The following MAF variants were observed in gnomAD, a reference collection of about 807,000 sequenced individuals.
MAF encodes the protein transcription factor Maf.
In MAF, 10 loss-of-function variants were observed where a neutral mutation model predicts 22.0. The observed-to-expected ratio is 0.45, with a 90% CI of 0.28 to 0.77. The LOEUF (loss-of-function observed/expected upper bound fraction) is 0.77. Ranked by LOEUF, MAF falls within the 30% of genes least tolerant of loss-of-function variation. MAF has a pLI of 0.12. For missense variants in MAF, 544 were observed against 548.4 expected (o/e 0.99, Z 0.08); for synonymous variants, 337 against 255.8 (o/e 1.32, Z -3.03).
the MAF span, among the ~76,000 whole-genome samples, chr16:79,434,752 T>A: frequency 6.6e-6 from 1 of 152,086 alleles, no homozygotes; most frequent in Non-Finnish European, 1.5e-5. Flanking sequence ...TATGATAGAA[T>A]AGGAAATGAT....
At chr16:79,309,988 TTAA>T in the MAF span, among the ~76,000 whole-genome samples, 1 of 152,192 alleles carries the variant, frequency 6.6e-6, no homozygotes, top group South Asian at 2.1e-4. Flanking sequence ...ACACCGTGGC[TTAA>T]AGGGCATTAT....
At chr16:79,235,194 G>T in the MAF span, among the ~76,000 whole-genome samples, 1 of 152,052 alleles carries the variant, frequency 6.6e-6, no homozygotes, top group Admixed American at 6.6e-5. Context: ...ATGCTCTGGG[G>T]ACATCCTCAA....
chr16:79,593,651 A>G (rs1375783210), downstream of MAF, among the ~76,000 whole-genome samples: 3 of 152,258 alleles, frequency 2.0e-5, no homozygotes, highest in Non-Finnish European at 4.4e-5. Flanking sequence ...TTTATTTGCC[A>G]GGCAAAAGTA....
chr16:79,547,776 T>C, the MAF span, among the ~76,000 whole-genome samples: 3 of 152,134 alleles, frequency 2.0e-5, no homozygotes, highest in African/African-American at 7.2e-5. Flanking sequence ...TGAAAATAAG[T>C]CCAATACTGG....
At chr16:79,484,806 T>A in the MAF span, among the ~76,000 whole-genome samples, 1 of 152,210 alleles carries the variant, frequency 6.6e-6, no homozygotes, top group East Asian at 1.9e-4. Flanking sequence ...TGCACGTGTG[T>A]GTGTGTGCAT....
chr16:79,420,351 G>A, the MAF span, among the ~76,000 whole-genome samples: 1 of 152,184 alleles, frequency 6.6e-6, no homozygotes, highest in Non-Finnish European at 1.5e-5. Flanking sequence ...AAAACAACGC[G>A]TGAACACAGT....
At chr16:79,369,939 C>T in the MAF span, among the ~76,000 whole-genome samples, 2 of 152,234 alleles carry the variant, frequency 1.3e-5, no homozygotes, top group African/African-American at 4.8e-5. Context: ...GCTTCCCCCA[C>T]AGAGGGCCTC....
chr16:79,589,701 C>T (rs1447037737), downstream of MAF, among the ~76,000 whole-genome samples: 1 of 152,156 alleles, frequency 6.6e-6, no homozygotes, highest in Non-Finnish European at 1.5e-5. Context: ...AGCGGCGCAC[C>T]GGGGAGTTTT....
chr16:79,529,539 T>A, the MAF span, among the ~76,000 whole-genome samples: 6 of 152,206 alleles, frequency 3.9e-5, no homozygotes, highest in African/African-American at 1.4e-4. Flanking sequence ...ATGCCAATCT[T>A]AATAATATCT....
the MAF span, among the ~76,000 whole-genome samples, chr16:79,236,280 G>A: frequency 2.0e-5 from 3 of 151,998 alleles, no homozygotes; most frequent in Non-Finnish European, 4.4e-5. Context: ...TGGTGTTTGG[G>A]CAACAGCGGG....
chr16:79,594,933 A>C, intron 1 of MAF: 1 of 1,130,082 alleles, frequency 8.8e-7, no homozygotes, highest in South Asian at 3.1e-5. Context: ...AAAATGCTTA[A>C]TTCTACACAA....
the MAF span, among the ~76,000 whole-genome samples, chr16:79,496,999 A>G: frequency 0.05 from 7,657 of 152,216 alleles, 425 homozygotes; most frequent in African/African-American, 0.13. Context: ...TGAGTGTAAC[A>G]ATTTATATGA....
chr16:79,246,713 G>A, the MAF span, among the ~76,000 whole-genome samples: 3 of 152,120 alleles, frequency 2.0e-5, no homozygotes, highest in African/African-American at 7.2e-5. Context: ...TCAATATGTG[G>A]TAAATAATCT....
chr16:79,589,430 G>T (rs1412013255), downstream of MAF, among the ~76,000 whole-genome samples: 1 of 152,022 alleles, frequency 6.6e-6, no homozygotes, highest in Non-Finnish European at 1.5e-5. Flanking sequence ...ATGCTATCTG[G>T]ATTTCCCGCT....
chr16:79,597,329 T>A, intron 1 of MAF: 1 of 1,040,962 alleles, frequency 9.6e-7, no homozygotes, highest in Admixed American at 5.6e-5. Flanking sequence ...ACCCAGAGCA[T>A]TCCACATTTG....
chr16:79,408,361 A>G, the MAF span, among the ~76,000 whole-genome samples: 3 of 152,046 alleles, frequency 2.0e-5, no homozygotes, highest in Non-Finnish European at 4.4e-5. Flanking sequence ...TTTTTAGTAG[A>G]GACGGGGTTT....
the MAF span, among the ~76,000 whole-genome samples, chr16:79,554,951 G>C: frequency 1.3e-5 from 2 of 152,166 alleles, no homozygotes; most frequent in African/African-American, 4.8e-5. Context: ...CTGGAATCTG[G>C]CTTCCTCTGA....
chr16:79,417,836 A>G, the MAF span, among the ~76,000 whole-genome samples: 29 of 151,716 alleles, frequency 1.9e-4, no homozygotes, highest in African/African-American at 5.8e-4. Context: ...GCTGCTGGAG[A>G]GCTCCACACG....
the MAF span, among the ~76,000 whole-genome samples, chr16:79,413,710 T>G: frequency 6.6e-6 from 1 of 152,178 alleles, no homozygotes; most frequent in Middle Eastern, 3.2e-3. Context: ...ATCAGGTGCC[T>G]GAAACCCAGG....
Sources: allele counts gnomAD v4.1 joint callset (sites outside exome capture counted in the v4.1 genomes callset), GRCh38; gene constraint gnomAD v4.1.1; transcripts MANE v1.5; gene names NCBI Gene and HGNC (gene_info 2026-07-23, HGNC 2026-07-21).